DDX18: variants seen among roughly 807,000 people sequenced by gnomAD.
DDX18 encodes the protein ATP-dependent RNA helicase DDX18.
Under a neutral mutation model 73.5 loss-of-function variants are expected in DDX18, and 23 were observed. The ratio of observed to expected loss-of-function variants is 0.31; its 90% confidence interval spans 0.23 to 0.44. The LOEUF (loss-of-function observed/expected upper bound fraction) is 0.44, where lower values mean the gene tolerates loss of function less well. Ranked by LOEUF, DDX18 falls within the 20% of genes least tolerant of loss-of-function variation. The pLI, the probability that DDX18 is intolerant of heterozygous loss-of-function variation, is 1.00. For missense variants in DDX18, 753 were observed against 792.9 expected, an observed-to-expected ratio of 0.95 and a Z score of 0.60; for synonymous variants, 268 against 282.7, an observed-to-expected ratio of 0.95 and a Z score of 0.52.
rs1679976517 is a variant in DDX18, at chr2:117,828,946, T to C, written c.1636-3T>C. 5 of 1,598,238 alleles carry C rather than the reference T, an allele frequency of 3.1e-6. No individual in the cohort carries two copies. In the East Asian group the frequency reaches 1.1e-4, roughly 36 times the overall value. ...TACTAATCTTAATACTTTTGATTTC[T>C]AGGTTCCATTAAGTGAATTTGACTT... On this transcript the variant is annotated splice_region_variant and splice_polypyrimidine_tract_variant and intron_variant, in intron 11 of 13. Transcript: ENST00000263239.
Position 117,826,636 on chromosome 2 carries a change from C to A in DDX18, c.1635+254C>A, listed in dbSNP as rs558872789. ...CCCAGCCTCTCCTTTCCTGTTCCCT[C>A]CAGCCCTCTTTGAAACCTTCTCCAC... On this transcript the variant is annotated intron_variant, in intron 11 of 13. Transcript: ENST00000263239. 30 of 481,776 alleles carry A rather than the reference C, an allele frequency of 6.2e-5. 1 individual carries two copies. In the South Asian group the frequency reaches 6.9e-4, roughly 11 times the overall value. 29.8% of individuals were successfully genotyped at this position (481,776 alleles called of 1,614,324 possible).
At chr2:117,819,254 C>T (rs531754893) in intron 2 of DDX18, among the ~76,000 whole-genome samples, 4 of 152,238 alleles carry the variant, frequency 2.6e-5, no homozygotes, top group Admixed American at 1.3e-4. Context: ...GGTTGTTGCC[C>T]TTCCTTTACA....
At position 117,826,467 on chromosome 2, in the gene DDX18, G is replaced by T. The variant is rs17047459; in HGVS notation, c.1635+85G>T. The T allele has an allele frequency of 2.4e-6, 3 of 1,274,620 alleles. No homozygotes were observed. The African/African-American group carries it at 4.3e-5, about 18-fold the overall frequency. The allele number at this position is 1,274,620 out of a possible 1,614,324, so 79.0% of individuals were successfully genotyped here. Reference sequence around the variant, plus strand: ...TTTCTACATGTGTCAGAGGAGTCTCGAGTCTGGCCAGTGCTGTTACAACCA... The same window carrying T: ...TTTCTACATGTGTCAGAGGAGTCTCTAGTCTGGCCAGTGCTGTTACAACCA... On this transcript the variant is annotated intron_variant, in intron 11 of 13. Coordinates refer to ENST00000263239, the MANE Select transcript of DDX18 (RefSeq NM_006773.4).
At position 117,816,417 on chromosome 2, in the gene DDX18, AT is replaced by A. The variant is rs931383490; in HGVS notation, c.86-1018del. 1.6e-3 allele frequency among the ~76,000 whole-genome samples: 232 copies of A among 144,866 alleles called. 1 individual carries two copies. Among genetic ancestry groups the A allele is most frequent in the African/African-American group, 5.3e-3 (209 of 39,138 alleles). On this transcript the variant is annotated intron_variant, in intron 1 of 13. Transcript: ENST00000263239. ...CCTTATTCTATGTGATTTTTATTTT[AT>A]TTTTTTTTCTTTTTAAGCTTTTTGT...
chr2:117,814,928 CG>C, intron 1 of DDX18, 66 bp downstream of exon 1: 3 of 1,543,614 alleles, frequency 1.9e-6, no homozygotes, highest in Non-Finnish European at 2.7e-6. Flanking sequence ...TTCGGGCGGC[CG>C]GGGGCCCAGC....
At chr2:117,818,429 C>T (rs1023224810) in intron 2 of DDX18, among the ~76,000 whole-genome samples, 3 of 152,170 alleles carry the variant, frequency 2.0e-5, no homozygotes, top group African/African-American at 4.8e-5. Context: ...AGTTTGCCAG[C>T]CCCTGAGTTG....
intron 7 of DDX18, chr2:117,822,496 C>G (rs1679863015): frequency 2.4e-6 from 1 of 411,842 alleles, no homozygotes; most frequent in South Asian, 2.2e-5. Flanking sequence ...CACATAGGTC[C>G]TGTCCTCCAC....
chr2:117,830,760 C>T lies in DDX18; in HGVS notation c.*36C>T, dbSNP rs781286074. 5.0e-6 allele frequency: 8 copies of T among 1,598,176 alleles called. No homozygotes were observed. The African/African-American group carries it at 8.2e-5, about 16-fold the overall frequency. ...TCCTTTCATCTTGAATAACTTTGTC[C>T]TAAAATGAATTTTTTTTCCCCTTGA... On this transcript the variant is annotated 3_prime_UTR_variant, in exon 14 of 14. Coordinates refer to ENST00000263239, the MANE Select transcript of DDX18 (RefSeq NM_006773.4).
Position 117,829,344 on chromosome 2 carries a change from A to G in DDX18, c.1748A>G (p.Tyr583Cys), listed in dbSNP as rs780962053. Residue 583 changes from tyrosine to cysteine, a missense_variant, in exon 13 of 14, where the codon TAT becomes TGT. Physicochemically the swap from Tyr to Cys is radical, Grantham distance 194 (BLOSUM62 -2). This residue lies in a region of DDX18 where 402 missense variants were observed against 419.4 expected (regional missense o/e 0.96). Coordinates refer to ENST00000263239, the MANE Select transcript of DDX18 (RefSeq NM_006773.4). ...CTTCATAAGTCAGCCCAGGAAGCAT[A>G]TAAGTCATACATACGAGCCTATGAT... ...YFLHKSAQEA[Y>C]KSYIRAYDSH... 1.9e-6 allele frequency: 3 copies of G among 1,613,682 alleles called. No individual in the cohort carries two copies. The highest frequency in any genetic ancestry group is 2.5e-6 in the Non-Finnish European group (3 of 1,179,914).
At chr2:117,821,836 A>C in intron 5 of DDX18, 26 bp from the exon 6 acceptor site, 1 of 1,613,746 alleles carries the variant, frequency 6.2e-7, no homozygotes, top group Non-Finnish European at 8.5e-7. Context: ...AGCCACATTT[A>C]GACTTCTACC....
chr2:117,825,396 C>T, intron 9 of DDX18, 51 bp from the exon 10 acceptor site: 1 of 1,584,502 alleles, frequency 6.3e-7, no homozygotes, highest in East Asian at 2.3e-5. Context: ...GGTTCTACTG[C>T]TAGTCTTCCT....
chr2:117,825,262 G>T (rs1056736555), intron 9 of DDX18, among the ~76,000 whole-genome samples, 161 bp downstream of exon 9: 4 of 152,122 alleles, frequency 2.6e-5, no homozygotes, highest in Admixed American at 1.3e-4. Flanking sequence ...GGGTGTGGAG[G>T]GGTATGAGGA....
Position 117,825,541 on chromosome 2 carries a change from G to A in DDX18, c.1463G>A (p.Gly488Glu). The change falls in exon 10 of 14, where the codon GGA (glycine) becomes GAA (glutamate). Residue 488 changes from glycine to glutamate, a missense_variant. By Grantham distance (98) the Gly-to-Glu change is moderately conservative. This residue lies in a region of DDX18 where 402 missense variants were observed against 419.4 expected (regional missense o/e 0.96). Coordinates refer to ENST00000263239, the MANE Select transcript of DDX18 (RefSeq NM_006773.4). Reference protein sequence around the residue: ...TLLCTDVAARGLDIPEVDWIV... With the variant: ...TLLCTDVAARELDIPEVDWIV... ...TTGTGTACGGATGTGGCAGCGAGAG[G>A]ACTAGACATTCCTGAAGTCGACTGG... 1 of 1,614,186 alleles carries A rather than the reference G, an allele frequency of 6.2e-7. No individual in the cohort carries two copies.
At chr2:117,825,688 C>T in intron 10 of DDX18, 89 bp downstream of exon 10, 1 of 1,484,104 alleles carries the variant, frequency 6.7e-7, no homozygotes, top group South Asian at 1.2e-5. Flanking sequence ...CTGCATTCCA[C>T]ATTCAAGGTA....
At chr2:117,827,670 T>A (rs2104626534) in intron 11 of DDX18, 1 of 152,266 alleles carries the variant, frequency 6.6e-6, no homozygotes, top group Admixed American at 6.5e-5. Context: ...CATGAACTCA[T>A]CCTTTTTTAT....
At chr2:117,817,825 T>G in intron 2 of DDX18, 97 bp downstream of exon 2, 23 of 1,250,892 alleles carry the variant, frequency 1.8e-5, no homozygotes, top group Non-Finnish European at 2.3e-5. Context: ...GACATGAGAA[T>G]TCCCTGTACT....
chr2:117,830,840 A>G lies in DDX18; in HGVS notation c.*116A>G. 7.8e-7 allele frequency: 1 copy of G among 1,286,262 alleles called. No homozygotes were observed. Among genetic ancestry groups the G allele is most frequent in the Non-Finnish European group, 1.1e-6 (1 of 918,590 alleles). The allele number at this position is 1,286,262 out of a possible 1,614,324, so 79.7% of individuals were successfully genotyped here. A position where few individuals can be genotyped will look rare whatever the true frequency, so the allele number is the denominator to read the frequency against. On this transcript the variant is annotated 3_prime_UTR_variant, in exon 14 of 14. Coordinates refer to ENST00000263239, the MANE Select transcript of DDX18 (RefSeq NM_006773.4). ...TTGGACTTACCTAACAAGAGTATAAATTGACTTGGGTTGCAAGCACTGAGC... is the reference window on the plus strand; with the variant it reads ...TTGGACTTACCTAACAAGAGTATAAGTTGACTTGGGTTGCAAGCACTGAGC...
chr2:117,830,230 A>T (rs1264474097), intron 13 of DDX18, among the ~76,000 whole-genome samples: 2 of 152,216 alleles, frequency 1.3e-5, no homozygotes, highest in Non-Finnish European at 2.9e-5. Flanking sequence ...AAGAGAAATG[A>T]TAGTCATTTG....
intron 9 of DDX18, 38 bp downstream of exon 9, chr2:117,825,139 G>C (rs1679903385): frequency 6.3e-7 from 1 of 1,589,436 alleles, no homozygotes; most frequent in Non-Finnish European, 8.5e-7. Context: ...AACAGGGTAT[G>C]CTTATTAAAT....
Sources: allele counts gnomAD v4.1 joint callset (sites outside exome capture counted in the v4.1 genomes callset), GRCh38; gene constraint gnomAD v4.1.1; regional missense constraint gnomAD v4.1.1; transcripts MANE v1.5; gene names NCBI Gene and HGNC (gene_info 2026-07-23, HGNC 2026-07-21).